CADM2: variants seen among roughly 807,000 people sequenced by gnomAD.
CADM2 encodes the protein immunoglobulin superfamily member 4D.
Under a neutral mutation model 49.8 loss-of-function variants are expected in CADM2, and 12 were observed. That is an observed-to-expected ratio of 0.24 (90% CI 0.15 to 0.39). CADM2 has a LOEUF of 0.39. Among genes scored for constraint, CADM2 ranks in the 10% least tolerant of loss-of-function variants. CADM2 has a pLI of 1.00. For synonymous variants in CADM2, 214 were observed against 175.4 expected (o/e 1.22, Z -1.74); for missense variants, 378 against 492.3 (o/e 0.77, Z 2.20).
chr3:85,573,495 C>A (rs2107256866), intron 1 of CADM2, among the ~76,000 whole-genome samples: 1 of 152,148 alleles, frequency 6.6e-6, no homozygotes, highest in South Asian at 2.1e-4. Flanking sequence ...AGCCACCGCT[C>A]CCAGCCTATA....
At chr3:85,289,458 A>T (rs572612979) in intron 1 of CADM2, among the ~76,000 whole-genome samples, 1 of 152,336 alleles carries the variant, frequency 6.6e-6, no homozygotes, top group African/African-American at 2.4e-5. Context: ...CTTGCAATAG[A>T]CTGTTAAGAT....
At position 85,719,931 on chromosome 3, in the gene CADM2, G is replaced by A. The variant is rs181645580; in HGVS notation, c.62-6591G>A. On this transcript the variant is annotated intron_variant, in intron 1 of 9. Coordinates refer to ENST00000383699, the MANE Select transcript of CADM2 (RefSeq NM_001167675.2). ...ATGGTTTTCACAAGTGTTTAATTTT[G>A]TAAAAAAAAAACAAAAAACAAGACT... Among the ~76,000 whole-genome samples, 115 of 150,592 alleles carry A rather than the reference G, an allele frequency of 7.6e-4. 1 individual carries two copies. Among genetic ancestry groups the A allele is most frequent in the African/African-American group, 2.8e-3 (113 of 41,014 alleles).
chr3:85,232,371 A>G (rs2042313877), intron 1 of CADM2, among the ~76,000 whole-genome samples: 2 of 152,080 alleles, frequency 1.3e-5, no homozygotes, highest in Non-Finnish European at 2.9e-5. Context: ...ATACAAATAT[A>G]CATACCTCTT....
chr3:85,682,270 G>A (rs2066060799), intron 1 of CADM2, among the ~76,000 whole-genome samples: 1 of 152,094 alleles, frequency 6.6e-6, no homozygotes. Context: ...AATTTGGTCA[G>A]TCTTGACTGA....
intron 1 of CADM2, among the ~76,000 whole-genome samples, chr3:84,960,984 G>C (rs567419697): frequency 6.6e-5 from 10 of 152,046 alleles, no homozygotes; most frequent in Non-Finnish European, 1.2e-4. Context: ...AATGATGATT[G>C]ATAGAATATT....
At chr3:85,962,470 T>C (rs1295962579) in intron 8 of CADM2, among the ~76,000 whole-genome samples, 2 of 151,608 alleles carry the variant, frequency 1.3e-5, no homozygotes, top group African/African-American at 4.8e-5. Flanking sequence ...TGACTCTATT[T>C]ACCTCACAAT....
chr3:85,902,158 T>C (rs921495132), intron 5 of CADM2, among the ~76,000 whole-genome samples: 16 of 152,114 alleles, frequency 1.1e-4, no homozygotes, highest in African/African-American at 3.9e-4. Context: ...AGAACAGTAT[T>C]GCTGGACTAA....
At chr3:85,327,574 ACACACACACACACAC>A (rs919876596) in intron 1 of CADM2, among the ~76,000 whole-genome samples, 10 of 145,242 alleles carry the variant, frequency 6.9e-5, no homozygotes, top group Admixed American at 2.0e-4. Flanking sequence ...ACACACACAC[ACACACACACACACAC>A]CACACACACA....
rs2041762975 is a variant in CADM2 at position 85,210,933 on chromosome 3, C to G, written c.61+251265C>G. ...GGGTCTGGGCTTTTTTGCTGAGAGA[C>G]CTTTAATTATGGCCTCAATCTCATT... On this transcript the variant is annotated intron_variant, in intron 1 of 9. Transcript: ENST00000383699. 1.3e-5 allele frequency among the ~76,000 whole-genome samples: 2 copies of G among 152,122 alleles called. 1 individual carries two copies. Among genetic ancestry groups the G allele is most frequent in the African/African-American group, 4.8e-5 (2 of 41,510 alleles).
intron 5 of CADM2, among the ~76,000 whole-genome samples, chr3:85,890,456 C>T (rs969939039): frequency 6.6e-6 from 1 of 152,030 alleles, no homozygotes; most frequent in African/African-American, 2.4e-5. Context: ...TTGTCTCATA[C>T]CTGTGAAGAA....
chr3:85,158,409 G>C (rs973431048), intron 1 of CADM2, among the ~76,000 whole-genome samples: 1 of 152,104 alleles, frequency 6.6e-6, no homozygotes. Context: ...TACTGCGGCA[G>C]TATTCACAAT....
At chr3:85,758,582 G>A (rs533779226) in intron 2 of CADM2, among the ~76,000 whole-genome samples, 4 of 152,120 alleles carry the variant, frequency 2.6e-5, no homozygotes, top group Middle Eastern at 3.4e-3. Context: ...CCAGTAAAAT[G>A]TTTTATCTAT....
intron 2 of CADM2, among the ~76,000 whole-genome samples, chr3:85,790,122 G>A (rs1447746170): frequency 1.3e-5 from 2 of 152,146 alleles, no homozygotes; most frequent in African/African-American, 4.8e-5. Context: ...TTAGAAAAAT[G>A]TATTTTATAT....
At chr3:85,814,451 A>C (rs1316513716) in intron 3 of CADM2, among the ~76,000 whole-genome samples, 1 of 152,142 alleles carries the variant, frequency 6.6e-6, no homozygotes, top group Non-Finnish European at 1.5e-5. Flanking sequence ...TAACATAAAA[A>C]TTCAAAGAAC....
chr3:85,979,144 A>T lies in CADM2; in HGVS notation c.970+17497A>T, dbSNP rs771589760. ...GTTTGCATGATATGATTTTGTTTAT[A>T]TTTTTTTTCCACTCACCAGATGTTC... On this transcript the variant is annotated intron_variant, in intron 8 of 9. Transcript: ENST00000383699. 1.0e-5 allele frequency: 16 copies of T among 1,600,898 alleles called. No individual in the cohort carries two copies. The South Asian group carries it at 1.6e-4, about 16-fold the overall frequency.
At chr3:84,968,008 T>A (rs2107072769) in intron 1 of CADM2, among the ~76,000 whole-genome samples, 1 of 152,220 alleles carries the variant, frequency 6.6e-6, no homozygotes, top group African/African-American at 2.4e-5. Context: ...TGTTGTTACA[T>A]AATCCCTTTC....
chr3:85,982,612 A>G (rs1262674308), intron 8 of CADM2, among the ~76,000 whole-genome samples: 1 of 151,714 alleles, frequency 6.6e-6, no homozygotes, highest in African/African-American at 2.4e-5. Flanking sequence ...ATTCTAGTTC[A>G]TAACTGAAAG....
At position 86,068,489 on chromosome 3, in the gene CADM2, A is replaced by C. The variant is rs1739559363; in HGVS notation, c.*1706A>C. 1 of 151,992 alleles carries C rather than the reference A, an allele frequency of 6.6e-6. No individual in the cohort carries two copies. The highest frequency in any genetic ancestry group is 2.4e-5 in the African/African-American group (1 of 41,460). The allele number at this position is 151,992 out of a possible 1,614,324, so 9.4% of individuals were successfully genotyped here. On this transcript the variant is annotated 3_prime_UTR_variant, in exon 10 of 10. Transcript: ENST00000383699. ...CTGACGCATGATGGCCTATGGTTTTAAAAATAGTATTGTGGAATATATTTT... is the reference window on the plus strand; with the variant it reads ...CTGACGCATGATGGCCTATGGTTTTCAAAATAGTATTGTGGAATATATTTT...
chr3:85,226,885 C>G (rs554478490), intron 1 of CADM2, among the ~76,000 whole-genome samples: 1 of 152,098 alleles, frequency 6.6e-6, no homozygotes, highest in African/African-American at 2.4e-5. Flanking sequence ...TCATTATTTA[C>G]GCAGTAGTCA....
Sources: allele counts gnomAD v4.1 joint callset (sites outside exome capture counted in the v4.1 genomes callset), GRCh38; gene constraint gnomAD v4.1.1; transcripts MANE v1.5; gene names NCBI Gene and HGNC (gene_info 2026-07-23, HGNC 2026-07-21).